Variants in HYCC2 observed in about 807,000 individuals in gnomAD.
HYCC2 encodes hyccin PI4KA lipid kinase complex subunit 2.
the HYCC2 span, among the ~76,000 whole-genome samples, chr2:201,061,072 CA>C: frequency 0.045 from 5,983 of 133,604 alleles, 393 homozygotes; most frequent in African/African-American, 0.15. Context: ...AATAGTTTAT[CA>C]AAAAAAAAAA....
chr2:201,056,955 A>G, the HYCC2 span, among the ~76,000 whole-genome samples: 1 of 152,208 alleles, frequency 6.6e-6, no homozygotes, highest in Admixed American at 6.5e-5. Context: ...TTCCTATTAC[A>G]TGCCAATAGC....
At chr2:201,070,609 G>A in the HYCC2 span, among the ~76,000 whole-genome samples, 1 of 151,516 alleles carries the variant, frequency 6.6e-6, no homozygotes, top group African/African-American at 2.4e-5. Flanking sequence ...CCGAGATCGC[G>A]CCATTGCACT....
chr2:201,042,844 G>A, the HYCC2 span, among the ~76,000 whole-genome samples: 76 of 144,886 alleles, frequency 5.2e-4, no homozygotes, highest in East Asian at 4.4e-4. Context: ...CCGCCACCCC[G>A]TCTGGGAGGT....
At chr2:201,033,795 T>A in the HYCC2 span, among the ~76,000 whole-genome samples, 1 of 152,070 alleles carries the variant, frequency 6.6e-6, no homozygotes, top group Admixed American at 6.6e-5. Context: ...CATCTCGGCC[T>A]CTCAAAGTGC....
chr2:200,993,312 A>G, the HYCC2 span, among the ~76,000 whole-genome samples: 1 of 152,326 alleles, frequency 6.6e-6, no homozygotes, highest in East Asian at 1.9e-4. Flanking sequence ...ACACACATAC[A>G]CACAAAAATG....
At chr2:201,056,674 C>CA in the HYCC2 span, among the ~76,000 whole-genome samples, 7,917 of 68,684 alleles carry the variant, frequency 0.12, 326 homozygotes, top group Middle Eastern at 0.19. Context: ...AACTCCATCT[C>CA]AAAAAAAAAA....
chr2:201,055,436 C>T, the HYCC2 span, among the ~76,000 whole-genome samples: 6 of 150,536 alleles, frequency 4.0e-5, no homozygotes, highest in East Asian at 1.2e-3. Flanking sequence ...TAGGGGCTCA[C>T]ACCTGTAATC....
chr2:201,002,199 C>T, the HYCC2 span, among the ~76,000 whole-genome samples: 12 of 147,176 alleles, frequency 8.2e-5, no homozygotes, highest in African/African-American at 3.0e-4. Context: ...TTTGGGAGGT[C>T]GAGGTGGGAG....
chr2:200,988,460 A>G, the HYCC2 span: 1 of 1,530,852 alleles, frequency 6.5e-7, no homozygotes, highest in African/African-American at 1.4e-5. Flanking sequence ...TTTACAATCA[A>G]TATGCAGTTT....
chr2:201,033,432 C>G, the HYCC2 span, among the ~76,000 whole-genome samples: 1 of 150,886 alleles, frequency 6.6e-6, no homozygotes, highest in Non-Finnish European at 1.5e-5. Context: ...GAGACGGAGT[C>G]TCCCTCTATC....
chr2:201,001,156 G>A, the HYCC2 span, among the ~76,000 whole-genome samples: 1 of 142,886 alleles, frequency 7.0e-6, no homozygotes, highest in African/African-American at 2.6e-5. Flanking sequence ...AAAAAAAAAA[G>A]AGATGGGGCC....
the HYCC2 span, chr2:201,022,914 T>A: frequency 6.2e-7 from 1 of 1,613,172 alleles, no homozygotes; most frequent in East Asian, 2.2e-5. Flanking sequence ...TAACTGGTGA[T>A]CTGAGTGTCA....
At chr2:201,008,531 G>A in the HYCC2 span, among the ~76,000 whole-genome samples, 4 of 152,056 alleles carry the variant, frequency 2.6e-5, no homozygotes, top group African/African-American at 9.7e-5. Context: ...AATCTAAGGT[G>A]GGAGGATCAC....
At chr2:200,999,876 A>G in the HYCC2 span, among the ~76,000 whole-genome samples, 1 of 149,016 alleles carries the variant, frequency 6.7e-6, no homozygotes. Flanking sequence ...TGGCCAACAT[A>G]GTGAAACCCC....
the HYCC2 span, chr2:200,974,723 T>C: frequency 3.9e-5 from 6 of 151,998 alleles, no homozygotes; most frequent in Admixed American, 3.3e-4. Context: ...AACATCAATA[T>C]GCAAATACAT....
chr2:201,025,409 C>T, the HYCC2 span, among the ~76,000 whole-genome samples: 4 of 145,700 alleles, frequency 2.7e-5, no homozygotes, highest in African/African-American at 7.7e-5. Flanking sequence ...GTGGAGGAGA[C>T]CAAACATATT....
At chr2:201,066,970 AC>A in the HYCC2 span, 1 of 265,254 alleles carries the variant, frequency 3.8e-6, no homozygotes, top group Non-Finnish European at 7.4e-6. Context: ...GTTCCTGCTG[AC>A]CAGAGTTCAC....
chr2:201,053,847 C>A, the HYCC2 span, among the ~76,000 whole-genome samples: 1 of 152,238 alleles, frequency 6.6e-6, no homozygotes, highest in Non-Finnish European at 1.5e-5. Context: ...ACCTGTAATC[C>A]CAGCTACTTG....
chr2:201,053,302 T>C, the HYCC2 span, among the ~76,000 whole-genome samples: 2 of 152,132 alleles, frequency 1.3e-5, no homozygotes, highest in African/African-American at 4.8e-5. Flanking sequence ...TTTGTATTTT[T>C]AGTAGAAGCG....
Sources: allele counts gnomAD v4.1 joint callset (sites outside exome capture counted in the v4.1 genomes callset), GRCh38; gene constraint gnomAD v4.1.1; transcripts MANE v1.5; gene names NCBI Gene and HGNC (gene_info 2026-07-23, HGNC 2026-07-21).